Variants in BBX observed in about 807,000 individuals in gnomAD.
BBX encodes the protein BBX high mobility group box domain containing.
Under a neutral mutation model 100.2 loss-of-function variants are expected in BBX, and 30 were observed. The observed-to-expected ratio is 0.30, with a 90% CI of 0.22 to 0.41. The LOEUF is 0.41. Among genes scored for constraint, BBX ranks in the 10% least tolerant of loss-of-function variants. The pLI, the probability that BBX is intolerant of heterozygous loss-of-function variation, is 1.00. For synonymous variants in BBX, 376 were observed against 388.1 expected, an observed-to-expected ratio of 0.97 and a Z score of 0.37; for missense variants, 1,023 against 1,129.8, an observed-to-expected ratio of 0.91 and a Z score of 1.35.
chr3:107,730,906 T>C (rs944903664), intron 6 of BBX, among the ~76,000 whole-genome samples: 2 of 152,192 alleles, frequency 1.3e-5, no homozygotes, highest in Non-Finnish European at 2.9e-5. Context: ...GACATCTGAA[T>C]CTAGGAGATA....
intron 3 of BBX, among the ~76,000 whole-genome samples, chr3:107,705,190 T>A (rs1294068767): frequency 1.3e-5 from 2 of 152,012 alleles, no homozygotes; most frequent in Non-Finnish European, 1.5e-5. Context: ...GGCCGTGCGG[T>A]TTTGTAGTCT....
intron 10 of BBX, among the ~76,000 whole-genome samples, chr3:107,757,524 C>T (rs1450382249): frequency 1.3e-5 from 2 of 152,110 alleles, no homozygotes; most frequent in Non-Finnish European, 2.9e-5. Flanking sequence ...AAGATTTATA[C>T]TTTTGATTAA....
At chr3:107,752,848 A>G (rs1330661895) in intron 9 of BBX, among the ~76,000 whole-genome samples, 1 of 152,158 alleles carries the variant, frequency 6.6e-6, no homozygotes, top group Non-Finnish European at 1.5e-5. Context: ...TAGCAAACAC[A>G]CACTTCCCTC....
chr3:107,561,249 C>T lies in BBX; in HGVS notation c.-84+34851C>T, dbSNP rs149424158. Among the ~76,000 whole-genome samples, 216 of 152,290 alleles carry T rather than the reference C, an allele frequency of 1.4e-3. 2 individuals are homozygous for T. The highest frequency in any genetic ancestry group is 3.4e-3 in the Middle Eastern group (1 of 294). On this transcript the variant is annotated intron_variant, in intron 2 of 17. Transcript: ENST00000325805. ...CCATTTGAGAAACTGATTTTTTAAA[C>T]ACTGTGCTTAGGACAGATTGTCCTG...
chr3:107,744,259 C>G (rs531178049), intron 7 of BBX, among the ~76,000 whole-genome samples: 1 of 152,006 alleles, frequency 6.6e-6, no homozygotes, highest in Non-Finnish European at 1.5e-5. Context: ...TTGTGGTGAT[C>G]AGTGTTTAAT....
chr3:107,640,289 C>G (rs1188185875), intron 2 of BBX, among the ~76,000 whole-genome samples: 1 of 152,124 alleles, frequency 6.6e-6, no homozygotes, highest in Admixed American at 6.5e-5. Flanking sequence ...TCTCATTTGC[C>G]CACATTTCAT....
Position 107,805,066 on chromosome 3 carries a change from T to C in BBX, c.2739-304T>C, listed in dbSNP as rs147980657. On this transcript the variant is annotated intron_variant, in intron 17 of 17. Coordinates refer to ENST00000325805, the MANE Select transcript of BBX (RefSeq NM_001142568.3). ...AAATCTGTTGGTACTTAAAATTTCA[T>C]CTCTTCAAAATGGAAGTGGTTAGTT... 4.0e-3 allele frequency among the ~76,000 whole-genome samples: 613 copies of C among 152,252 alleles called. 11 individuals carry two copies. Among genetic ancestry groups the C allele is most frequent in the Admixed American group, 0.03 (458 of 15,278 alleles).
intron 2 of BBX, among the ~76,000 whole-genome samples, chr3:107,540,209 G>GT (rs1480090885): frequency 6.6e-6 from 1 of 152,212 alleles, no homozygotes; most frequent in Admixed American, 6.5e-5. Context: ...CCCTGAAGCA[G>GT]TACAGCATAT....
At chr3:107,694,060 G>T (rs1306554095) in intron 3 of BBX, among the ~76,000 whole-genome samples, 1 of 139,664 alleles carries the variant, frequency 7.2e-6, no homozygotes, top group Admixed American at 7.3e-5. Flanking sequence ...CTGAGACTTT[G>T]CTGAAGTTGC....
At chr3:107,711,476 A>G in intron 4 of BBX, 1 of 360,716 alleles carries the variant, frequency 2.8e-6, no homozygotes, top group Admixed American at 3.5e-5. Context: ...TTTGACATCC[A>G]TTCAGTCTCT....
At chr3:107,581,690 C>T (rs1223466858) in intron 2 of BBX, among the ~76,000 whole-genome samples, 1 of 152,066 alleles carries the variant, frequency 6.6e-6, no homozygotes, top group Non-Finnish European at 1.5e-5. Flanking sequence ...CTTGAATTGG[C>T]TGTTTCTTTT....
chr3:107,713,491 C>G (rs760760046), intron 4 of BBX, among the ~76,000 whole-genome samples: 1 of 152,044 alleles, frequency 6.6e-6, no homozygotes, highest in Non-Finnish European at 1.5e-5. Context: ...TAATGAGCTC[C>G]TGGGGAAAGA....
chr3:107,677,552 A>G (rs1372710650), intron 3 of BBX: 1 of 152,206 alleles, frequency 6.6e-6, no homozygotes, highest in Non-Finnish European at 1.5e-5. Flanking sequence ...GCCTGCCTAC[A>G]TGCTCAGAAC....
chr3:107,769,227 T>C (rs62262057), intron 10 of BBX, among the ~76,000 whole-genome samples: 18,825 of 88,026 alleles, frequency 0.21, 896 homozygotes, highest in South Asian at 0.23. Context: ...GATAGATAGA[T>C]AGACAGATAG....
chr3:107,674,638 A>G (rs750624628), intron 3 of BBX, among the ~76,000 whole-genome samples: 1 of 152,210 alleles, frequency 6.6e-6, no homozygotes, highest in Non-Finnish European at 1.5e-5. Context: ...GTGTACTTGC[A>G]TGTTTGAAAG....
intron 2 of BBX, among the ~76,000 whole-genome samples, chr3:107,535,754 G>A (rs141009422): frequency 2.0e-5 from 3 of 152,134 alleles, no homozygotes; most frequent in South Asian, 2.1e-4. Context: ...CACCACGCCC[G>A]TCTACTTTTT....
chr3:107,707,721 G>A (rs888151808), intron 3 of BBX, among the ~76,000 whole-genome samples: 1 of 152,130 alleles, frequency 6.6e-6, no homozygotes, highest in African/African-American at 2.4e-5. Context: ...GACTGAATGC[G>A]ATTATTTTGA....
At chr3:107,723,379 G>A (rs529993500) in intron 5 of BBX, among the ~76,000 whole-genome samples, 54 of 151,920 alleles carry the variant, frequency 3.6e-4, no homozygotes, top group Non-Finnish European at 6.9e-4. Context: ...ATCTGGAAAA[G>A]TAATGTTGAG....
At position 107,810,266 on chromosome 3, in the gene BBX, G is replaced by A. The variant is rs2071235590; in HGVS notation, c.*4809G>A. 1 of 150,424 alleles carries A rather than the reference G, an allele frequency of 6.6e-6. No homozygotes were observed. The highest frequency in any genetic ancestry group is 1.5e-5 in the Non-Finnish European group (1 of 67,818). The allele number at this position is 150,424 out of a possible 1,614,324, so 9.3% of individuals were successfully genotyped here. A position where few individuals can be genotyped will look rare whatever the true frequency, so the allele number is the denominator to read the frequency against. On this transcript the variant is annotated 3_prime_UTR_variant, in exon 18 of 18. Transcript: ENST00000325805. ...GGCCAAATTTGATCTATGGTGGTAT[G>A]ATTCATACTGTTAAATTGAGAGAGG...
Sources: allele counts gnomAD v4.1 joint callset (sites outside exome capture counted in the v4.1 genomes callset), GRCh38; gene constraint gnomAD v4.1.1; transcripts MANE v1.5; gene names NCBI Gene and HGNC (gene_info 2026-07-23, HGNC 2026-07-21).